The following PTPRE variants were observed in gnomAD, a reference collection of about 807,000 sequenced individuals.
The protein encoded by PTPRE is receptor-type tyrosine-protein phosphatase epsilon.
PTPRE carries 51 observed loss-of-function variants against 102.0 expected under a neutral mutation model. The ratio of observed to expected loss-of-function variants is 0.50; its 90% CI spans 0.40 to 0.63. The LOEUF (loss-of-function observed/expected upper bound fraction) is 0.63, where lower values mean the gene tolerates loss of function less well. PTPRE is among the 30% of genes least tolerant of loss of function. The pLI, the probability that PTPRE is intolerant of heterozygous loss-of-function variation, is 0.00. For missense variants in PTPRE, 752 were observed against 915.1 expected, an observed-to-expected ratio of 0.82 and a Z score of 2.30; for synonymous variants, 345 against 348.2, an observed-to-expected ratio of 0.99 and a Z score of 0.10.
chr10:128,053,511 G>A (rs1848705421), intron 6 of PTPRE, among the ~76,000 whole-genome samples: 1 of 152,196 alleles, frequency 6.6e-6, no homozygotes, highest in African/African-American at 2.4e-5. Flanking sequence ...CAGAGAAAGG[G>A]CTGCAGAGTC....
intron 7 of PTPRE, among the ~76,000 whole-genome samples, chr10:128,059,972 C>G (rs901266807): frequency 6.8e-6 from 1 of 147,122 alleles, no homozygotes; most frequent in Non-Finnish European, 1.5e-5. Flanking sequence ...CACTACACAC[C>G]CACCGCACAT....
At chr10:127,935,435 T>C (rs1188877270) in intron 1 of PTPRE, among the ~76,000 whole-genome samples, 1 of 152,164 alleles carries the variant, frequency 6.6e-6, no homozygotes, top group African/African-American at 2.4e-5. Flanking sequence ...TCTTGTCCTT[T>C]CCCAGATTGG....
At chr10:127,918,811 C>T (rs1349828373) in intron 1 of PTPRE, among the ~76,000 whole-genome samples, 2 of 152,136 alleles carry the variant, frequency 1.3e-5, no homozygotes, top group African/African-American at 2.4e-5. Context: ...GGCTGTTGAG[C>T]GTGGATGTGT....
intron 1 of PTPRE, among the ~76,000 whole-genome samples, chr10:127,956,398 A>G (rs1245940974): frequency 1.3e-5 from 2 of 152,194 alleles, no homozygotes; most frequent in African/African-American, 4.8e-5. Context: ...TGTGTGAACC[A>G]ATCTCCCTAA....
At position 127,921,096 on chromosome 10, in the gene PTPRE, C is replaced by A. The variant is rs116711864; in HGVS notation, c.-31+13787C>A. Among the ~76,000 whole-genome samples the A allele has an allele frequency of 6.4e-4, 98 of 152,332 alleles. 1 individual carries two copies. The highest frequency in any genetic ancestry group is 2.2e-3 in the African/African-American group (93 of 41,566). On this transcript the variant is annotated intron_variant, in intron 1 of 20. Coordinates refer to ENST00000254667, the MANE Select transcript of PTPRE (RefSeq NM_006504.6). ...AGAGGTGGAAACACAGCTCCTTTGG[C>A]AAGTGTCCTATTTTCAGTGGGGGTC...
intron 5 of PTPRE, among the ~76,000 whole-genome samples, chr10:128,049,100 A>AGAGAACGTTCTGAGT (rs1848337881): frequency 6.6e-6 from 1 of 152,150 alleles, no homozygotes; most frequent in Non-Finnish European, 1.5e-5. Flanking sequence ...AAAGGCTGAG[A>AGAGAACGTTCTGAGT]GAGAACGTTC....
chr10:128,006,813 A>G (rs1260552001), intron 2 of PTPRE, among the ~76,000 whole-genome samples: 2 of 152,184 alleles, frequency 1.3e-5, no homozygotes. Context: ...ATACCAGAAG[A>G]AAAGTATTTC....
chr10:128,085,230 G>A lies in PTPRE; in HGVS notation c.*2324G>A, dbSNP rs1852007864. 3 of 381,040 alleles carry A rather than the reference G, an allele frequency of 7.9e-6. No individual in the cohort carries two copies. The highest frequency in any genetic ancestry group is 2.1e-5 in the African/African-American group (1 of 47,250). 23.6% of individuals were successfully genotyped at this position (381,040 alleles called of 1,614,324 possible). On this transcript the variant is annotated 3_prime_UTR_variant, in exon 21 of 21. Coordinates refer to ENST00000254667, the MANE Select transcript of PTPRE (RefSeq NM_006504.6). Reference sequence around the variant, plus strand: ...TGGGCCTTGGAGCACCTCACGCTGGGGGAATCAATCCCTGAGGGACTCAGA... The same window carrying A: ...TGGGCCTTGGAGCACCTCACGCTGGAGGAATCAATCCCTGAGGGACTCAGA...
rs897770862 is a variant in PTPRE, at chr10:128,084,242, A to G, written c.*1336A>G. 9.5e-4 allele frequency: 145 copies of G among 152,310 alleles called. No homozygotes were observed. The highest frequency in any genetic ancestry group is 3.4e-3 in the African/African-American group (142 of 41,574). The allele number at this position is 152,310 out of a possible 1,614,324, so 9.4% of individuals were successfully genotyped here. On this transcript the variant is annotated 3_prime_UTR_variant, in exon 21 of 21. Coordinates refer to ENST00000254667, the MANE Select transcript of PTPRE (RefSeq NM_006504.6). ...GGTACCTAGCAGATGTGCACAATAT[A>G]AACAAAAAGATATCTGGCCTACCTT... is the stretch of plus-strand genomic sequence containing the variant.
At chr10:128,052,143 C>T (rs1413543956) in intron 6 of PTPRE, among the ~76,000 whole-genome samples, 1 of 152,202 alleles carries the variant, frequency 6.6e-6, no homozygotes, top group African/African-American at 2.4e-5. Context: ...GATGCAGCAC[C>T]CGTCCTCTGA....
In PTPRE at chr10:128,076,840, C is replaced by T. The variant is rs555503688; in HGVS notation, c.1725+112C>T. ...TGGCCCTGCACCTGTCCTGCTCCTT[C>T]ACCTAGTCCCATTGGCTATGAATGG... On this transcript the variant is annotated intron_variant, in intron 18 of 20. Coordinates refer to ENST00000254667, the MANE Select transcript of PTPRE (RefSeq NM_006504.6). 2.9e-4 allele frequency: 424 copies of T among 1,441,302 alleles called. 2 individuals are homozygous for T. In the African/African-American group the frequency reaches 5.2e-3, roughly 18 times the overall value. The allele number at this position is 1,441,302 out of a possible 1,614,324, so 89.3% of individuals were successfully genotyped here. A position where few individuals can be genotyped will look rare whatever the true frequency, so the allele number is the denominator to read the frequency against.
At chr10:127,913,993 C>T (rs1030155812) in intron 1 of PTPRE, among the ~76,000 whole-genome samples, 2 of 152,148 alleles carry the variant, frequency 1.3e-5, no homozygotes, top group African/African-American at 2.4e-5. Flanking sequence ...TGGTCCCCAG[C>T]GTTGGAGGTA....
At chr10:128,063,214 C>G in intron 10 of PTPRE, 34 bp downstream of exon 10, 1 of 1,611,374 alleles carries the variant, frequency 6.2e-7, no homozygotes, top group Non-Finnish European at 8.5e-7. Context: ...GGTATCACTT[C>G]CTTTCAGCTG....
At chr10:127,956,481 GA>G (rs1849410213) in intron 1 of PTPRE, among the ~76,000 whole-genome samples, 1 of 152,200 alleles carries the variant, frequency 6.6e-6, no homozygotes, top group South Asian at 2.1e-4. Flanking sequence ...GACTAATACA[GA>G]CATCTTGGTT....
Position 127,975,559 on chromosome 10 carries a change from C to T in PTPRE, c.-30-6715C>T, listed in dbSNP as rs1402857521. 3.9e-5 allele frequency among the ~76,000 whole-genome samples: 6 copies of T among 152,162 alleles called. No homozygotes were observed. The East Asian group carries it at 5.8e-4, about 15-fold the overall frequency. On this transcript the variant is annotated intron_variant, in intron 1 of 20. Transcript: ENST00000254667. ...CCTTCACACACATGCTTAGCCTCAT[C>T]GCAGACCTAGGGTCACCTGGTGAAA...
At chr10:128,021,455 A>C (rs1845878767) in intron 2 of PTPRE, among the ~76,000 whole-genome samples, 1 of 152,174 alleles carries the variant, frequency 6.6e-6, no homozygotes, top group East Asian at 1.9e-4. Context: ...ATGGACTCTG[A>C]GTACAACTGT....
At position 128,047,856 on chromosome 10, in the gene PTPRE, G is replaced by T. The variant is rs745629523; in HGVS notation, c.283+19G>T. 2.6e-5 allele frequency: 40 copies of T among 1,562,934 alleles called. No homozygotes were observed. In the Admixed American group the frequency reaches 7.5e-4, roughly 29 times the overall value. On this transcript the variant is annotated intron_variant, in intron 5 of 20. Coordinates refer to ENST00000254667, the MANE Select transcript of PTPRE (RefSeq NM_006504.6). ...GAGCAAGGTACAGAAGCTGCTCTCTGGCTGGGGCTTGGGGGAAAATGTGTT... is the reference window on the plus strand; with the variant it reads ...GAGCAAGGTACAGAAGCTGCTCTCTTGCTGGGGCTTGGGGGAAAATGTGTT...
At chr10:127,972,137 G>T (rs1161721357) in intron 1 of PTPRE, among the ~76,000 whole-genome samples, 10 of 152,128 alleles carry the variant, frequency 6.6e-5, no homozygotes, top group Non-Finnish European at 1.3e-4. Context: ...GGGGGAGGAG[G>T]AATCCTTGTC....
intron 7 of PTPRE, among the ~76,000 whole-genome samples, chr10:128,057,367 G>A (rs1488112983): frequency 5.9e-5 from 9 of 152,150 alleles, no homozygotes; most frequent in East Asian, 5.8e-4. Context: ...TTTAAATCCC[G>A]AACCTGCAGC....
Sources: gnomAD v4.1 joint callset for allele counts (sites outside exome capture counted in the v4.1 genomes callset) on GRCh38, gnomAD v4.1.1 for gene constraint, MANE v1.5 for transcripts, NCBI Gene and HGNC (gene_info 2026-07-23, HGNC 2026-07-21) for gene names.